Variants in NFIB observed in about 807,000 individuals in gnomAD.
NFIB encodes nuclear factor 1 B-type.
NFIB carries 11 observed loss-of-function variants against 61.5 expected under a neutral mutation model. The ratio of observed to expected loss-of-function variants is 0.18; its 90% CI spans 0.11 to 0.30. NFIB has a LOEUF of 0.30. Ranked by LOEUF, NFIB falls within the 10% of genes least tolerant of loss-of-function variation. The pLI, the probability that NFIB is intolerant of heterozygous loss-of-function variation, is 1.00. For synonymous variants in NFIB, 260 were observed against 216.5 expected, an observed-to-expected ratio of 1.20 and a Z score of -1.76; for missense variants, 471 against 608.9, an observed-to-expected ratio of 0.77 and a Z score of 2.38.
intron 2 of NFIB, among the ~76,000 whole-genome samples, chr9:14,195,843 A>G (rs940630726): frequency 6.6e-6 from 1 of 152,210 alleles, no homozygotes; most frequent in East Asian, 1.9e-4. Flanking sequence ...GAATCTAGTA[A>G]GGGCATTGGG....
chr9:14,189,833 C>CAG (rs2047753291), intron 2 of NFIB, among the ~76,000 whole-genome samples: 1 of 151,040 alleles, frequency 6.6e-6, no homozygotes, highest in South Asian at 2.1e-4. Flanking sequence ...AAGATGATGA[C>CAG]TGGTAGCAGT....
At chr9:14,221,294 A>C (rs1315535113) in intron 2 of NFIB, among the ~76,000 whole-genome samples, 1 of 152,212 alleles carries the variant, frequency 6.6e-6, no homozygotes, top group East Asian at 1.9e-4. Flanking sequence ...TGCCATACTG[A>C]TTAAGTGGCA....
At chr9:14,189,921 C>G (rs538684773) in intron 2 of NFIB, among the ~76,000 whole-genome samples, 6 of 152,042 alleles carry the variant, frequency 3.9e-5, no homozygotes, top group Non-Finnish European at 7.4e-5. Context: ...TGATTATTAT[C>G]TACACATATT....
chr9:14,182,736 G>C (rs1489704016), intron 2 of NFIB, among the ~76,000 whole-genome samples: 5 of 150,674 alleles, frequency 3.3e-5, no homozygotes, highest in South Asian at 2.1e-4. Flanking sequence ...GTGTGTGTGT[G>C]TGTGTGTGTG....
chr9:14,085,009 T>C lies in NFIB; in HGVS notation c.*3300A>G, dbSNP rs566689851. On this transcript the variant is annotated 3_prime_UTR_variant, in exon 11 of 11. Transcript: ENST00000380953. ...TGCCTTTAAAAAATACTGTGTGTCC[T>C]GTGAGGTTCATTTGTTCACCTAATA... is the stretch of plus-strand genomic sequence containing the variant. The C allele has an allele frequency of 3.1e-5, 7 of 229,154 alleles. No individual in the cohort carries two copies. In the South Asian group the frequency reaches 1.1e-3, roughly 36 times the overall value. 14.2% of individuals were successfully genotyped at this position (229,154 alleles called of 1,614,324 possible). A position where few individuals can be genotyped will look rare whatever the true frequency, so the allele number is the denominator to read the frequency against.
intron 1 of NFIB, among the ~76,000 whole-genome samples, chr9:14,350,091 C>T (rs2061087882): frequency 6.6e-6 from 1 of 152,170 alleles, no homozygotes; most frequent in African/African-American, 2.4e-5. Context: ...GCCCCGGGGA[C>T]CCTCCTGGGC....
intron 2 of NFIB, among the ~76,000 whole-genome samples, chr9:14,245,100 G>T (rs1378691146): frequency 6.6e-6 from 1 of 152,120 alleles, no homozygotes; most frequent in East Asian, 1.9e-4. Flanking sequence ...ATTCAGACCT[G>T]TATTTTCATT....
At chr9:14,201,542 C>T (rs2049030918) in intron 2 of NFIB, among the ~76,000 whole-genome samples, 1 of 152,166 alleles carries the variant, frequency 6.6e-6, no homozygotes, top group Non-Finnish European at 1.5e-5. Context: ...CCTTCCTGAA[C>T]CTTATTGCCC....
rs539071867 is a variant in NFIB at position 14,168,621 on chromosome 9, T to G, written c.616+11106A>C. Among the ~76,000 whole-genome samples, 14 of 152,290 alleles carry G rather than the reference T, an allele frequency of 9.2e-5. No individual in the cohort carries two copies. The East Asian group carries it at 2.3e-3, about 25-fold the overall frequency. On this transcript the variant is annotated intron_variant, in intron 3 of 10. Transcript: ENST00000380953. The stretch of plus-strand genomic sequence containing the variant: ...GAACCATACAAGGAGGTGAATGAAA[T>G]AATCAGATTTGCACATCACCACAGA...
rs138745038 is a variant in NFIB at position 14,343,638 on chromosome 9, C to T, written c.109-36118G>A. ...TTCACTTTATAAAGAAAAGCAATCCCCAGGCAAAAGTGTGTACAGTATTTT... is the reference window on the plus strand; with the variant it reads ...TTCACTTTATAAAGAAAAGCAATCCTCAGGCAAAAGTGTGTACAGTATTTT... On this transcript the variant is annotated intron_variant, in intron 1 of 8. Transcript: ENST00000380934. Among the ~76,000 whole-genome samples, 28 of 152,066 alleles carry T rather than the reference C, an allele frequency of 1.8e-4. No individual in the cohort carries two copies. The East Asian group carries it at 4.6e-3, about 25-fold the overall frequency.
chr9:14,496,685 T>C, the NFIB span, among the ~76,000 whole-genome samples: 1 of 152,180 alleles, frequency 6.6e-6, no homozygotes, highest in African/African-American at 2.4e-5. Flanking sequence ...ACACAGTTCC[T>C]ATGGCATTTG....
chr9:14,152,029 C>T lies in NFIB; in HGVS notation c.686-1764G>A, dbSNP rs540539310. On this transcript the variant is annotated intron_variant, in intron 4 of 10. Transcript: ENST00000380953. ...GAATTGTATTTTAATATTAGGCAGG[C>T]TAAGATTAACTTAAAATATTTTTAA... Among the ~76,000 whole-genome samples, 164 of 152,110 alleles carry T rather than the reference C, an allele frequency of 1.1e-3. 3 individuals are homozygous for T. The highest frequency in any genetic ancestry group is 3.7e-3 in the African/African-American group (154 of 41,524).
the NFIB span, among the ~76,000 whole-genome samples, chr9:14,408,813 A>AT: frequency 1.2e-4 from 19 of 152,188 alleles, no homozygotes; most frequent in African/African-American, 9.6e-5. Flanking sequence ...GGTTTCAGGC[A>AT]TTTTTTAAAA....
In NFIB at chr9:14,120,293, C is replaced by T; in HGVS notation, c.1245+147G>A. ...TCATTCAGCCACCTTTAAATAAAAA[C>T]TTATTGAGTCACCAAGCAACTTCCT... On this transcript the variant is annotated intron_variant, in intron 8 of 10. Transcript: ENST00000380953. This position sits in a 1 kb window ranked among gnomAD's most constrained non-coding sequence, Gnocchi z 4.4. 1 of 835,770 alleles carries T rather than the reference C, an allele frequency of 1.2e-6. No individual in the cohort carries two copies. The highest frequency in any genetic ancestry group is 2.0e-6 in the Non-Finnish European group (1 of 509,196). 51.8% of individuals were successfully genotyped at this position (835,770 alleles called of 1,614,324 possible). A position where few individuals can be genotyped will look rare whatever the true frequency, so the allele number is the denominator to read the frequency against.
chr9:14,193,107 G>C (rs1354605144), intron 2 of NFIB, among the ~76,000 whole-genome samples: 1 of 150,892 alleles, frequency 6.6e-6, no homozygotes, highest in Non-Finnish European at 1.5e-5. Context: ...AATGCATACT[G>C]ATACATAAAA....
intron 2 of NFIB, among the ~76,000 whole-genome samples, chr9:14,188,679 C>G (rs1200206969): frequency 6.6e-6 from 1 of 152,216 alleles, no homozygotes; most frequent in Non-Finnish European, 1.5e-5. Context: ...TTTGCCAACG[C>G]AGTTTGCCAC....
At chr9:14,457,977 A>G in the NFIB span, among the ~76,000 whole-genome samples, 2 of 152,220 alleles carry the variant, frequency 1.3e-5, no homozygotes, top group African/African-American at 4.8e-5. Flanking sequence ...AAACTATTCC[A>G]ATCAATAGAA....
At chr9:14,531,036 C>T in the NFIB span, among the ~76,000 whole-genome samples, 5 of 152,190 alleles carry the variant, frequency 3.3e-5, no homozygotes, top group African/African-American at 1.2e-4. Context: ...ACGACTATTG[C>T]ATACAAGAGA....
the NFIB span, among the ~76,000 whole-genome samples, chr9:14,462,468 G>A: frequency 6.6e-6 from 1 of 152,034 alleles, no homozygotes; most frequent in Admixed American, 6.5e-5. Flanking sequence ...ATTTTTAGTG[G>A]AGACGGGGTT....
Sources: allele counts gnomAD v4.1 joint callset (sites outside exome capture counted in the v4.1 genomes callset), GRCh38; gene constraint gnomAD v4.1.1; non-coding constraint Gnocchi (gnomAD v3.1); transcripts MANE v1.5; gene names NCBI Gene and HGNC (gene_info 2026-07-23, HGNC 2026-07-21).